Variants in IGF1R observed in about 807,000 individuals in gnomAD.
IGF1R encodes insulin like growth factor 1 receptor.
A neutral mutation model predicts 144.6 loss-of-function variants in IGF1R; 44 were observed. The ratio of observed to expected loss-of-function variants is 0.30; its 90% confidence interval spans 0.24 to 0.39. The LOEUF (loss-of-function observed/expected upper bound fraction) is 0.39. Among genes scored for constraint, IGF1R ranks in the 10% least tolerant of loss-of-function variants. The pLI is 1.00. For missense variants in IGF1R, 1,355 were observed against 1,833.7 expected (o/e 0.74, Z 4.77); for synonymous variants, 795 against 722.8 (o/e 1.10, Z -1.60).
At chr15:98,869,561 G>A (rs572345692) in intron 2 of IGF1R, among the ~76,000 whole-genome samples, 9 of 151,602 alleles carry the variant, frequency 5.9e-5, no homozygotes, top group African/African-American at 1.5e-4. Flanking sequence ...TCAGCCTCCC[G>A]AGTAGCTGGG....
At position 98,908,318 on chromosome 15, in the gene IGF1R, A is replaced by G. The variant is rs1596429585; in HGVS notation, c.1248-367A>G. The stretch of plus-strand genomic sequence containing the variant: ...CGCTGTTCCGATTGGGTAGCAGAGC[A>G]TGTCTGTTCTCTCATGGACTGCTTT... On this transcript the variant is annotated intron_variant, in intron 5 of 20. Transcript: ENST00000650285. Among the ~76,000 whole-genome samples the G allele has an allele frequency of 2.6e-5, 4 of 152,246 alleles. No individual in the cohort carries two copies. The East Asian group carries it at 7.7e-4, about 29-fold the overall frequency.
chr15:98,777,246 C>T (rs796612843), intron 2 of IGF1R, among the ~76,000 whole-genome samples: 8 of 152,320 alleles, frequency 5.3e-5, no homozygotes, highest in East Asian at 1.9e-4. Context: ...AGACATTCCT[C>T]GTAGCTACTC....
At chr15:98,949,220 A>G (rs1380203485) in intron 20 of IGF1R, among the ~76,000 whole-genome samples, 1 of 152,118 alleles carries the variant, frequency 6.6e-6, no homozygotes, top group African/African-American at 2.4e-5. Flanking sequence ...CCTGCCCCAC[A>G]TGTCTTCTCT....
At position 98,891,137 on chromosome 15, in the gene IGF1R, C is replaced by T. The variant is rs1445419302; in HGVS notation, c.641-188C>T. Among the ~76,000 whole-genome samples the T allele has an allele frequency of 6.6e-6, 1 of 152,186 alleles. No individual in the cohort carries two copies. The highest frequency in any genetic ancestry group is 1.5e-5 in the Non-Finnish European group (1 of 68,032). On this transcript the variant is annotated intron_variant, in intron 2 of 20. Coordinates refer to ENST00000650285, the MANE Select transcript of IGF1R (RefSeq NM_000875.5). The surrounding 1 kb of genome is among the most constrained non-coding windows in gnomAD (Gnocchi z 4.7). ...GAACTTTAAAGATATCGACTCTCTG[C>T]AGGTCTAAGTGGATGAAAGGACAGT...
intron 2 of IGF1R, among the ~76,000 whole-genome samples, chr15:98,817,524 A>G (rs1172773447): frequency 6.6e-6 from 1 of 150,952 alleles, no homozygotes; most frequent in East Asian, 1.9e-4. Context: ...CTCTGTGAAA[A>G]GGTGGCATTT....
intron 2 of IGF1R, among the ~76,000 whole-genome samples, chr15:98,835,109 A>ACACACACACACACC (rs1567152878): frequency 1.9e-5 from 2 of 106,396 alleles, no homozygotes; most frequent in African/African-American, 7.3e-5. Flanking sequence ...ACACACACAC[A>ACACACACACACACC]CCCCTACACC....
chr15:98,876,025 G>A (rs1475723841), intron 2 of IGF1R, among the ~76,000 whole-genome samples: 1 of 152,170 alleles, frequency 6.6e-6, no homozygotes, highest in Non-Finnish European at 1.5e-5. Flanking sequence ...GGGTGGGCCA[G>A]CAGCAAAATA....
chr15:98,907,413 G>A (rs1028287182), intron 5 of IGF1R, among the ~76,000 whole-genome samples: 1 of 152,210 alleles, frequency 6.6e-6, no homozygotes, highest in Non-Finnish European at 1.5e-5. Context: ...TCCTGGCTAC[G>A]CTGGCTCTGC....
In IGF1R at chr15:98,924,558, A is replaced by G. The variant is rs747468693; in HGVS notation, c.2656A>G (p.Arg886Gly). 1.9e-6 allele frequency: 3 copies of G among 1,614,136 alleles called. No homozygotes were observed. Among genetic ancestry groups the G allele is most frequent in the Non-Finnish European group, 2.5e-6 (3 of 1,179,960 alleles). The change falls in exon 13 of 21, where the codon AGG (arginine) becomes GGG (glycine). Residue 886 changes from arginine to glycine, a missense_variant. Arg to Gly is a moderately radical substitution (Grantham distance 125, BLOSUM62 -2). Around this residue, in one of 7 missense-constraint regions of IGF1R, gnomAD observed 880 missense variants for 1,202.7 expected, o/e 0.73. Coordinates refer to ENST00000650285, the MANE Select transcript of IGF1R (RefSeq NM_000875.5). ...QRECVSRQEY[R>G]KYGGAKLNRL... Reference sequence around the variant, plus strand: ...AGAATGTGTGTCCAGACAGGAATACAGGAAGTATGGAGGGGCCAAGCTAAA... The same window carrying G: ...AGAATGTGTGTCCAGACAGGAATACGGGAAGTATGGAGGGGCCAAGCTAAA...
intron 2 of IGF1R, among the ~76,000 whole-genome samples, chr15:98,746,277 C>T (rs2054863121): frequency 6.6e-6 from 1 of 152,176 alleles, no homozygotes; most frequent in Non-Finnish European, 1.5e-5. Context: ...GGGAGTGACA[C>T]ACCTCAGTGT....
intron 5 of IGF1R, chr15:98,900,731 T>G (rs1053962182): frequency 5.3e-5 from 8 of 152,198 alleles, no homozygotes; most frequent in Non-Finnish European, 8.8e-5. Context: ...CCTCAGTCAC[T>G]TACCTGGCAA....
intron 2 of IGF1R, among the ~76,000 whole-genome samples, chr15:98,811,391 G>A (rs1383771761): frequency 2.6e-5 from 4 of 150,994 alleles, no homozygotes; most frequent in East Asian, 3.9e-4. Context: ...TTAGCCAGGC[G>A]TGGTTGCGGG....
chr15:98,743,434 G>A lies in IGF1R; in HGVS notation c.640+35327G>A, dbSNP rs544654791. Reference sequence around the variant, plus strand: ...ACCCTGGAGTCATTTGTGTAGAGTGGCATCTCTATACAACTGTTCGACTAA... The same window carrying A: ...ACCCTGGAGTCATTTGTGTAGAGTGACATCTCTATACAACTGTTCGACTAA... On this transcript the variant is annotated intron_variant, in intron 2 of 20. Coordinates refer to ENST00000650285, the MANE Select transcript of IGF1R (RefSeq NM_000875.5). Among the ~76,000 whole-genome samples the A allele has an allele frequency of 5.3e-5, 8 of 152,186 alleles. No individual in the cohort carries two copies. The South Asian group carries it at 1.7e-3, about 32-fold the overall frequency.
At chr15:98,811,211 G>T (rs1295324682) in intron 2 of IGF1R, among the ~76,000 whole-genome samples, 3 of 152,058 alleles carry the variant, frequency 2.0e-5, no homozygotes, top group Admixed American at 1.3e-4. Flanking sequence ...TGAGGCAGGA[G>T]AATCACTTGA....
intron 2 of IGF1R, among the ~76,000 whole-genome samples, chr15:98,840,683 T>TG (rs1567155785): frequency 1.3e-5 from 2 of 150,778 alleles, no homozygotes; most frequent in African/African-American, 4.9e-5. Context: ...TTTTGTTTTT[T>TG]TTTTTTTTTT....
At chr15:98,733,610 G>C (rs1005234752) in intron 2 of IGF1R, among the ~76,000 whole-genome samples, 1 of 152,012 alleles carries the variant, frequency 6.6e-6, no homozygotes, top group Non-Finnish European at 1.5e-5. Flanking sequence ...AGTCATTTGA[G>C]TGAAGAGCCC....
intron 4 of IGF1R, chr15:98,897,141 T>C: frequency 3.7e-6 from 2 of 538,056 alleles, no homozygotes; most frequent in Middle Eastern, 5.1e-4. Context: ...AAGAGGGTCA[T>C]CGCTCATCTT....
intron 2 of IGF1R, among the ~76,000 whole-genome samples, chr15:98,886,830 T>TGAG (rs1315015185): frequency 2.0e-5 from 3 of 152,202 alleles, no homozygotes; most frequent in African/African-American, 7.2e-5. Flanking sequence ...CAGGACTCTC[T>TGAG]AATCCCACAC....
At chr15:98,681,910 A>G (rs1039860048) in intron 1 of IGF1R, among the ~76,000 whole-genome samples, 2 of 152,122 alleles carry the variant, frequency 1.3e-5, no homozygotes, top group Admixed American at 6.6e-5. Flanking sequence ...GAGAAATGCT[A>G]TGATTTCTGT....
Sources: allele counts gnomAD v4.1 joint callset (sites outside exome capture counted in the v4.1 genomes callset), GRCh38; gene constraint gnomAD v4.1.1; regional missense constraint gnomAD v4.1.1; non-coding constraint Gnocchi (gnomAD v3.1); transcripts MANE v1.5; gene names NCBI Gene and HGNC (gene_info 2026-07-23, HGNC 2026-07-21).